Variants in GEMIN6 observed in about 807,000 individuals in gnomAD.
GEMIN6 encodes gem nuclear organelle associated protein 6, also known as gem-associated protein 6.
GEMIN6 carries 13 observed loss-of-function variants against 14.1 expected under a neutral mutation model. The observed-to-expected ratio is 0.92, with a 90% confidence interval of 0.60 to 1.46. The LOEUF (loss-of-function observed/expected upper bound fraction) is 1.46. Ranked by LOEUF, GEMIN6 falls within the 40% of genes most tolerant of loss-of-function variation. GEMIN6 has a pLI of 0.00. For missense variants in GEMIN6, 271 were observed against 202.4 expected (o/e 1.34, Z -2.06); for synonymous variants, 87 against 70.0 (o/e 1.24, Z -1.21).
rs1222242692 is a variant in GEMIN6, at chr2:38,778,272, T to G, written c.-29T>G. 6.6e-6 allele frequency: 1 copy of G among 152,144 alleles called. No individual in the cohort carries two copies. Among genetic ancestry groups the G allele is most frequent in the Non-Finnish European group, 1.5e-5 (1 of 68,054 alleles). 9.4% of individuals were successfully genotyped at this position (152,144 alleles called of 1,614,324 possible). A position where few individuals can be genotyped will look rare whatever the true frequency, so the allele number is the denominator to read the frequency against. On this transcript the variant is annotated 5_prime_UTR_variant, in exon 1 of 3. Transcript: ENST00000281950. ...CTGAGTACCCAGAGTTGCGAGGAGT[T>G]TTTTAACTGGTATTTTTCTCGTTTG...
intron 1 of GEMIN6, among the ~76,000 whole-genome samples, 163 bp from the exon 2 acceptor site, chr2:38,778,809 A>G (rs1294655539): frequency 6.6e-6 from 1 of 152,354 alleles, no homozygotes; most frequent in East Asian, 1.9e-4. Flanking sequence ...CTATAGTATC[A>G]GTTCCTATCA....
At position 38,782,081 on chromosome 2, in the gene GEMIN6, A is replaced by C. The variant is rs531648155; in HGVS notation, c.*189A>C. On this transcript the variant is annotated 3_prime_UTR_variant, in exon 3 of 3. Transcript: ENST00000281950. ...CTTGGGAAATTAATGAACTAGGGCA[A>C]GTATAGCATCCCATGCATAAAATTA... The C allele has an allele frequency of 1.2e-3, 642 of 540,544 alleles. 4 individuals carry two copies. The highest frequency in any genetic ancestry group is 0.011 in the African/African-American group (585 of 52,234). 33.5% of individuals were successfully genotyped at this position (540,544 alleles called of 1,614,324 possible). A position where few individuals can be genotyped will look rare whatever the true frequency, so the allele number is the denominator to read the frequency against.
rs528977463 is a variant in GEMIN6, at chr2:38,783,054, G to C, written c.*1162G>C. On this transcript the variant is annotated 3_prime_UTR_variant, in exon 3 of 3. Transcript: ENST00000281950. ...CCACTAATTTTGTATTTTTTTAGTA[G>C]AGACGGGGTTTTTCCATGTTGGTCA... is the stretch of plus-strand genomic sequence containing the variant. 3 of 151,996 alleles carry C rather than the reference G, an allele frequency of 2.0e-5. No homozygotes were observed. Among genetic ancestry groups the C allele is most frequent in the Middle Eastern group, 3.4e-3 (1 of 290 alleles). 9.4% of individuals were successfully genotyped at this position (151,996 alleles called of 1,614,324 possible).
chr2:38,780,210 C>T (rs1669048696), intron 2 of GEMIN6, among the ~76,000 whole-genome samples: 1 of 151,032 alleles, frequency 6.6e-6, no homozygotes, highest in Non-Finnish European at 1.5e-5. Context: ...GTCCCAGCTA[C>T]TCAGGAGGCT....
At chr2:38,780,604 TG>T (rs1669058295) in intron 2 of GEMIN6, among the ~76,000 whole-genome samples, 1 of 151,084 alleles carries the variant, frequency 6.6e-6, no homozygotes, top group Admixed American at 6.6e-5. Flanking sequence ...CCCAAAGTGT[TG>T]GGGTTATAGG....
In GEMIN6 at chr2:38,782,266, C is replaced by T; in HGVS notation, c.*374C>T. The T allele has an allele frequency of 1.2e-5, 2 of 167,652 alleles. No individual in the cohort carries two copies. The highest frequency in any genetic ancestry group is 2.6e-5 in the Non-Finnish European group (2 of 78,342). The allele number at this position is 167,652 out of a possible 1,614,324, so 10.4% of individuals were successfully genotyped here. On this transcript the variant is annotated 3_prime_UTR_variant, in exon 3 of 3. Coordinates refer to ENST00000281950, the MANE Select transcript of GEMIN6 (RefSeq NM_024775.10). Reference sequence around the variant, plus strand: ...TCAACCGATTCCCCTGCCTCAGCCTCTCGAGTAGCTGGGACTACAGGTGCA... The same window carrying T: ...TCAACCGATTCCCCTGCCTCAGCCTTTCGAGTAGCTGGGACTACAGGTGCA...
rs997901370 is a variant in GEMIN6, at chr2:38,782,368, G to T, written c.*476G>T. On this transcript the variant is annotated 3_prime_UTR_variant, in exon 3 of 3. Coordinates refer to ENST00000281950, the MANE Select transcript of GEMIN6 (RefSeq NM_024775.10). ...CTGTATGGGTCTTTTCTTGTGATGG[G>T]GTTACACCCCCATTTTTGTTAGGCA... is the stretch of plus-strand genomic sequence containing the variant. 6.6e-6 allele frequency: 1 copy of T among 152,588 alleles called. No individual in the cohort carries two copies. Among genetic ancestry groups the T allele is most frequent in the Non-Finnish European group, 1.5e-5 (1 of 68,500 alleles). The allele number at this position is 152,588 out of a possible 1,614,324, so 9.5% of individuals were successfully genotyped here. A position where few individuals can be genotyped will look rare whatever the true frequency, so the allele number is the denominator to read the frequency against.
In GEMIN6 at chr2:38,781,900, G is replaced by C. The variant is rs770610027; in HGVS notation, c.*8G>C. ...CTTACAGCTTCCCAATGAGAGGCCA[G>C]GAAGTGTGAACATACTGATAGAAAA... On this transcript the variant is annotated 3_prime_UTR_variant, in exon 3 of 3. Coordinates refer to ENST00000281950, the MANE Select transcript of GEMIN6 (RefSeq NM_024775.10). The C allele has an allele frequency of 3.1e-6, 5 of 1,595,802 alleles. No individual in the cohort carries two copies. In the Admixed American group the frequency reaches 5.3e-5, roughly 17 times the overall value.
At chr2:38,780,084 C>T (rs1456924889) in intron 2 of GEMIN6, among the ~76,000 whole-genome samples, 1 of 150,986 alleles carries the variant, frequency 6.6e-6, no homozygotes, top group Non-Finnish European at 1.5e-5. Context: ...TTTGGGAGGC[C>T]GAGGCGGGTG....
rs753169859 is a variant in GEMIN6 at position 38,781,778 on chromosome 2, T to A, written c.390T>A (p.Ala130=). 1 of 1,614,198 alleles carries A rather than the reference T, an allele frequency of 6.2e-7. No homozygotes were observed. The highest frequency in any genetic ancestry group is 8.5e-7 in the Non-Finnish European group (1 of 1,180,032). Residue 130 remains alanine (A), a synonymous_variant, in exon 3 of 3, where the codon GCT becomes GCA. Transcript: ENST00000281950. ...ACGCTCCAAGGACTCTCTGTGTGGC[T>A]GGGGTCCTGACTATAGACCCACCAT... ...QGDAPRTLCV[A]GVLTIDPPYG...
Position 38,779,119 on chromosome 2 carries a change from G to A in GEMIN6, c.128+1G>A. ...TAACTACAGACCCAGTCTCTGCCAA[G>A]TGAGTATGCATCCTACTTGCCTGAA... On this transcript the variant is annotated splice_donor_variant, in intron 2 of 2. Transcript: ENST00000281950. LOFTEE classifies it high-confidence loss of function. The A allele has an allele frequency of 6.2e-7, 1 of 1,611,596 alleles. No homozygotes were observed. The highest frequency in any genetic ancestry group is 8.5e-7 in the Non-Finnish European group (1 of 1,178,884).
At position 38,781,703 on chromosome 2, in the gene GEMIN6, C is replaced by T. The variant is rs1462467974; in HGVS notation, c.315C>T (p.Ser105=). ...SPEDLEERKN[S]LKKWLEKNHI... ...AGGATCTGGAAGAGAGAAAGAACAG[C>T]CTAAAGAAATGGCTTGAGAAGAACC... Residue 105 remains serine, a synonymous_variant, in exon 3 of 3, where the codon AGC becomes AGT. Coordinates refer to ENST00000281950, the MANE Select transcript of GEMIN6 (RefSeq NM_024775.10). The T allele has an allele frequency of 3.1e-6, 5 of 1,614,004 alleles. No individual in the cohort carries two copies. The highest frequency in any genetic ancestry group is 4.2e-6 in the Non-Finnish European group (5 of 1,180,030).
Position 38,783,147 on chromosome 2 carries a change from G to C in GEMIN6, c.*1255G>C, listed in dbSNP as rs941025276. The C allele has an allele frequency of 1.3e-4, 20 of 154,892 alleles. No individual in the cohort carries two copies. Among genetic ancestry groups the C allele is most frequent in the Admixed American group, 4.6e-4 (7 of 15,324 alleles). 9.6% of individuals were successfully genotyped at this position (154,892 alleles called of 1,614,324 possible). A position where few individuals can be genotyped will look rare whatever the true frequency, so the allele number is the denominator to read the frequency against. Reference sequence around the variant, plus strand: ...GGCCTCCCAAAGTTCTGGGATTACAGGTGTGAGCCACCGTGCCCGGCTGTT... The same window carrying C: ...GGCCTCCCAAAGTTCTGGGATTACACGTGTGAGCCACCGTGCCCGGCTGTT... On this transcript the variant is annotated 3_prime_UTR_variant, in exon 3 of 3. Coordinates refer to ENST00000281950, the MANE Select transcript of GEMIN6 (RefSeq NM_024775.10).
At chr2:38,779,344 C>T (rs1177236716) in intron 2 of GEMIN6, 2 of 451,776 alleles carry the variant, frequency 4.4e-6, no homozygotes, top group Admixed American at 3.6e-5. Context: ...GATTCTCCTG[C>T]CTTAGCCTCC....
In GEMIN6 at chr2:38,782,041, A is replaced by T; in HGVS notation, c.*149A>T. ...TTTGGTAAAATCAGAGGAGTGGGTT[A>T]TAAGTGCTAATTTCCTTGGGAAATT... On this transcript the variant is annotated 3_prime_UTR_variant, in exon 3 of 3. Coordinates refer to ENST00000281950, the MANE Select transcript of GEMIN6 (RefSeq NM_024775.10). 2 of 712,144 alleles carry T rather than the reference A, an allele frequency of 2.8e-6. No homozygotes were observed. The highest frequency in any genetic ancestry group is 4.4e-6 in the Non-Finnish European group (2 of 452,344). 44.1% of individuals were successfully genotyped at this position (712,144 alleles called of 1,614,324 possible).
chr2:38,782,214 G>C lies in GEMIN6; in HGVS notation c.*322G>C, dbSNP rs542026403. On this transcript the variant is annotated 3_prime_UTR_variant, in exon 3 of 3. Coordinates refer to ENST00000281950, the MANE Select transcript of GEMIN6 (RefSeq NM_024775.10). ...GTTTGAGTGCAGTGGCGCAATCTCA[G>C]CTCAGTGCAACCTCCGCCTCCCAGG... 12 of 197,764 alleles carry C rather than the reference G, an allele frequency of 6.1e-5. No individual in the cohort carries two copies. Among genetic ancestry groups the C allele is most frequent in the Non-Finnish European group, 1.2e-4 (12 of 97,610 alleles). 12.3% of individuals were successfully genotyped at this position (197,764 alleles called of 1,614,324 possible).
intron 2 of GEMIN6, among the ~76,000 whole-genome samples, chr2:38,781,257 C>T (rs1356687092): frequency 1.3e-5 from 2 of 151,364 alleles, no homozygotes; most frequent in East Asian, 2.0e-4. Context: ...CGTGAGCCAC[C>T]GCGCCTGGCT....
At position 38,781,886 on chromosome 2, in the gene GEMIN6, C is replaced by G. The variant is rs1558338858; in HGVS notation, c.498C>G (p.Ser166=). The change falls in exon 3 of 3, where the codon TCC becomes TCG. Residue 166 remains serine, a synonymous_variant. Coordinates refer to ENST00000281950, the MANE Select transcript of GEMIN6 (RefSeq NM_024775.10). ...TTATTGAAGGACATCTTACAGCTTC[C>G]CAATGAGAGGCCAGGAAGTGTGAAC... The part of the protein sequence containing the change: ...QDLIEGHLTA[S]Q The G allele has an allele frequency of 2.3e-5, 37 of 1,601,186 alleles. No homozygotes were observed. Among genetic ancestry groups the G allele is most frequent in the Non-Finnish European group, 3.0e-5 (35 of 1,172,658 alleles).
chr2:38,780,721 C>T (rs1327723959), intron 2 of GEMIN6, among the ~76,000 whole-genome samples: 1 of 151,932 alleles, frequency 6.6e-6, no homozygotes, highest in Non-Finnish European at 1.5e-5. Flanking sequence ...CTCTGCCTCC[C>T]GGATTCAAGT....
Sources: gnomAD v4.1 joint callset for allele counts (sites outside exome capture counted in the v4.1 genomes callset) on GRCh38, gnomAD v4.1.1 for gene constraint, MANE v1.5 for transcripts, NCBI Gene and HGNC (gene_info 2026-07-23, HGNC 2026-07-21) for gene names.